The following ULK4 variants were observed in gnomAD, a reference collection of about 807,000 sequenced individuals.
ULK4 encodes unc-51 like kinase 4, also known as inactive serine/threonine-protein kinase ULK4.
In ULK4, 133 loss-of-function variants were observed where a neutral mutation model predicts 160.6. The observed-to-expected ratio is 0.83, with a 90% CI of 0.72 to 0.96. The LOEUF (loss-of-function observed/expected upper bound fraction) is 0.96, where lower values mean the gene tolerates loss of function less well. Ranked by LOEUF, ULK4 falls within the 40% of genes least tolerant of loss-of-function variation. ULK4 has a pLI of 0.00. For synonymous variants in ULK4, 534 were observed against 539.8 expected (o/e 0.99, Z 0.15); for missense variants, 1,580 against 1,499.5 (o/e 1.05, Z -0.89).
intron 35 of ULK4, among the ~76,000 whole-genome samples, chr3:41,284,406 G>A (rs1033822139): frequency 7.2e-5 from 11 of 151,968 alleles, no homozygotes; most frequent in African/African-American, 1.2e-4. Flanking sequence ...CACATAGACC[G>A]ATGGAACAGA....
intron 17 of ULK4, among the ~76,000 whole-genome samples, chr3:41,875,858 C>T (rs573155171): frequency 4.0e-4 from 61 of 150,924 alleles, no homozygotes; most frequent in African/African-American, 1.4e-3. Flanking sequence ...GGCAGCACTA[C>T]TTTAATCAAA....
At chr3:41,826,447 TA>T (rs2041356443) in intron 18 of ULK4, among the ~76,000 whole-genome samples, 1 of 102,178 alleles carries the variant, frequency 9.8e-6, no homozygotes, top group South Asian at 3.1e-4. Context: ...AAGCTCAAAA[TA>T]AAGGGATGGA....
At chr3:41,485,674 G>A (rs769929294) in intron 32 of ULK4, among the ~76,000 whole-genome samples, 4 of 152,114 alleles carry the variant, frequency 2.6e-5, no homozygotes, top group Non-Finnish European at 5.9e-5. Flanking sequence ...AGCAGTATTC[G>A]ATATTCAACA....
intron 31 of ULK4, among the ~76,000 whole-genome samples, chr3:41,596,258 G>A (rs1400326567): frequency 2.0e-5 from 3 of 152,200 alleles, no homozygotes; most frequent in Admixed American, 1.3e-4. Context: ...ACATAAAGCA[G>A]CATGAATTTC....
intron 32 of ULK4, among the ~76,000 whole-genome samples, chr3:41,524,816 T>TA (rs1181077474): frequency 6.6e-6 from 1 of 152,106 alleles, no homozygotes; most frequent in Non-Finnish European, 1.5e-5. Flanking sequence ...CACGTGCCTG[T>TA]AGTCCAAGCT....
intron 22 of ULK4, among the ~76,000 whole-genome samples, chr3:41,738,083 T>C (rs963458570): frequency 1.4e-4 from 21 of 151,990 alleles, no homozygotes; most frequent in Non-Finnish European, 2.6e-4. Flanking sequence ...TATGTAGGGG[T>C]GATAATATCT....
chr3:41,598,784 T>C (rs776601443), intron 31 of ULK4, among the ~76,000 whole-genome samples: 10 of 152,188 alleles, frequency 6.6e-5, no homozygotes, highest in East Asian at 1.9e-4. Flanking sequence ...ATAAAAAGAA[T>C]AGTAAGTGGT....
chr3:41,589,896 C>T, intron 31 of ULK4, among the ~76,000 whole-genome samples: 1 of 151,686 alleles, frequency 6.6e-6, no homozygotes, highest in Admixed American at 6.6e-5. Context: ...CAAGTTCAAA[C>T]AAAAAAGCTA....
chr3:41,260,779 G>A (rs1040037467), intron 35 of ULK4, among the ~76,000 whole-genome samples: 2 of 152,244 alleles, frequency 1.3e-5, no homozygotes, highest in African/African-American at 2.4e-5. Flanking sequence ...TCTCTGGAGG[G>A]TGACAGAGAT....
At chr3:41,643,403 T>C (rs1310018828) in intron 30 of ULK4, among the ~76,000 whole-genome samples, 1 of 152,256 alleles carries the variant, frequency 6.6e-6, no homozygotes, top group Admixed American at 6.5e-5. Flanking sequence ...GTCAACTTTC[T>C]ACATATGGCT....
chr3:41,290,035 C>A (rs1259392653), intron 35 of ULK4, among the ~76,000 whole-genome samples: 3 of 152,056 alleles, frequency 2.0e-5, no homozygotes, highest in Non-Finnish European at 2.9e-5. Flanking sequence ...GCCACCACAC[C>A]TGGCTAATTT....
chr3:41,408,548 T>C (rs1349154550), intron 34 of ULK4, among the ~76,000 whole-genome samples: 1 of 151,764 alleles, frequency 6.6e-6, no homozygotes, highest in African/African-American at 2.4e-5. Flanking sequence ...AATCGATCTA[T>C]AGATTCAAAG....
intron 31 of ULK4, among the ~76,000 whole-genome samples, chr3:41,594,066 G>T (rs929438505): frequency 1.3e-5 from 2 of 151,912 alleles, no homozygotes; most frequent in African/African-American, 2.4e-5. Flanking sequence ...GAGAGAGAGG[G>T]GAGGGAAAGG....
intron 17 of ULK4, among the ~76,000 whole-genome samples, chr3:41,842,590 C>T (rs911249775): frequency 6.7e-6 from 1 of 150,144 alleles, no homozygotes; most frequent in East Asian, 1.9e-4. Flanking sequence ...GAATCTGGCA[C>T]CTCCCTCCTC....
At chr3:41,429,921 T>G (rs146041879) in intron 34 of ULK4, among the ~76,000 whole-genome samples, 1 of 152,150 alleles carries the variant, frequency 6.6e-6, no homozygotes, top group Admixed American at 6.6e-5. Context: ...TTAAAATTCT[T>G]TTTAAAAAGT....
intron 32 of ULK4, among the ~76,000 whole-genome samples, chr3:41,469,907 CAAAT>C (rs919321508): frequency 6.8e-6 from 1 of 146,766 alleles, no homozygotes; most frequent in Non-Finnish European, 1.5e-5. Context: ...ATCAGAGCTG[CAAAT>C]AAATAAATAA....
intron 35 of ULK4, among the ~76,000 whole-genome samples, chr3:41,285,159 C>T (rs2079433198): frequency 6.6e-6 from 1 of 152,138 alleles, no homozygotes; most frequent in African/African-American, 2.4e-5. Flanking sequence ...ACTAGCACAG[C>T]CACTATGGAA....
At position 41,681,368 on chromosome 3, in the gene ULK4, T is replaced by G; in HGVS notation, c.2978+140A>C. The G allele has an allele frequency of 2.4e-6, 3 of 1,237,462 alleles. No homozygotes were observed. The South Asian group carries it at 4.8e-5, about 20-fold the overall frequency. 76.7% of individuals were successfully genotyped at this position (1,237,462 alleles called of 1,614,324 possible). A position where few individuals can be genotyped will look rare whatever the true frequency, so the allele number is the denominator to read the frequency against. ...TAACAGTTACCGCACCTGTCTAAAC[T>G]TTTTTTATAATGAGTACACAAGCAT... On this transcript the variant is annotated intron_variant, in intron 29 of 36. Coordinates refer to ENST00000301831, the MANE Select transcript of ULK4 (RefSeq NM_017886.4).
chr3:41,465,381 T>C (rs891238734), intron 32 of ULK4, among the ~76,000 whole-genome samples: 1 of 152,250 alleles, frequency 6.6e-6, no homozygotes, highest in Non-Finnish European at 1.5e-5. Context: ...TAAATACTTC[T>C]GTATAACAGA....
Sources: gnomAD v4.1 joint callset for allele counts (sites outside exome capture counted in the v4.1 genomes callset) on GRCh38, gnomAD v4.1.1 for gene constraint, MANE v1.5 for transcripts, NCBI Gene and HGNC (gene_info 2026-07-23, HGNC 2026-07-21) for gene names.